Variants in ZFYVE28 observed in about 807,000 individuals in gnomAD.
ZFYVE28 encodes zinc finger FYVE-type containing 28, also known as lateral signaling target protein 2 homolog.
A neutral mutation model predicts 82.1 loss-of-function variants in ZFYVE28; 40 were observed. The observed-to-expected ratio is 0.49, with a 90% confidence interval of 0.38 to 0.63. The LOEUF is 0.63. ZFYVE28 is among the 30% of genes least tolerant of loss of function. The pLI, the probability that ZFYVE28 is intolerant of heterozygous loss-of-function variation, is 0.00. For missense variants in ZFYVE28, 1,321 were observed against 1,242.1 expected (o/e 1.06, Z -0.96); for synonymous variants, 612 against 546.1 (o/e 1.12, Z -1.68).
intron 1 of ZFYVE28, among the ~76,000 whole-genome samples, chr4:2,393,383 G>A (rs1730043493): frequency 6.6e-6 from 1 of 152,250 alleles, no homozygotes. Flanking sequence ...ACACAGGTGT[G>A]GAGACAGCTA....
chr4:2,303,325 T>C (rs955350754), intron 8 of ZFYVE28, among the ~76,000 whole-genome samples: 16 of 151,696 alleles, frequency 1.1e-4, no homozygotes, highest in African/African-American at 3.1e-4. Context: ...GAGGACCCTC[T>C]CCTGGGCCTG....
At chr4:2,324,895 CA>C in intron 6 of ZFYVE28, 1 of 186,424 alleles carries the variant, frequency 5.4e-6, no homozygotes, top group Non-Finnish European at 1.2e-5. Flanking sequence ...GAGAAATCAC[CA>C]AAATCCAGAG....
At position 2,270,382 on chromosome 4, in the gene ZFYVE28, C is replaced by A. The variant is rs183636834; in HGVS notation, c.*343G>T. ...GCAGAGTGGCCCCACTCTTGTCCACCTCCATCACCCGCCCCGATTCCCATA... is the reference window on the plus strand; with the variant it reads ...GCAGAGTGGCCCCACTCTTGTCCACATCCATCACCCGCCCCGATTCCCATA... On this transcript the variant is annotated 3_prime_UTR_variant, in exon 13 of 13. Transcript: ENST00000290974. The A allele has an allele frequency of 9.0e-6, 3 of 334,650 alleles. No homozygotes were observed. The highest frequency in any genetic ancestry group is 1.7e-5 in the Non-Finnish European group (3 of 175,568). 20.7% of individuals were successfully genotyped at this position (334,650 alleles called of 1,614,324 possible).
chr4:2,385,743 CA>C (rs1560318773), intron 1 of ZFYVE28, among the ~76,000 whole-genome samples: 1 of 151,748 alleles, frequency 6.6e-6, no homozygotes, highest in Non-Finnish European at 1.5e-5. Context: ...ACAAAAAAAA[CA>C]AAAAACACAC....
At chr4:2,294,927 GC>G (rs1367553637) in intron 8 of ZFYVE28, among the ~76,000 whole-genome samples, 1 of 151,562 alleles carries the variant, frequency 6.6e-6, no homozygotes, top group Non-Finnish European at 1.5e-5. Context: ...GCCAGCCTGG[GC>G]AACATAGCGA....
At chr4:2,334,495 G>T (rs1721259792) in intron 6 of ZFYVE28, among the ~76,000 whole-genome samples, 2 of 151,900 alleles carry the variant, frequency 1.3e-5, no homozygotes, top group South Asian at 2.1e-4. Flanking sequence ...CCACGGGAGG[G>T]GTATCCATGC....
intron 7 of ZFYVE28, among the ~76,000 whole-genome samples, chr4:2,315,536 G>C (rs1718079023): frequency 6.6e-6 from 1 of 152,212 alleles, no homozygotes; most frequent in Admixed American, 6.5e-5. Flanking sequence ...GCCTCCCAAA[G>C]TGCTGGGATC....
intron 1 of ZFYVE28, among the ~76,000 whole-genome samples, chr4:2,365,195 G>A (rs909097747): frequency 1.3e-5 from 2 of 151,792 alleles, no homozygotes; most frequent in Admixed American, 6.6e-5. Context: ...AGGGGTCAGG[G>A]TCTCCACATC....
intron 8 of ZFYVE28, among the ~76,000 whole-genome samples, chr4:2,295,424 G>A (rs971769861): frequency 2.6e-5 from 4 of 152,080 alleles, no homozygotes; most frequent in East Asian, 1.9e-4. Flanking sequence ...GCCTGCCTCA[G>A]CCTCCCAAAG....
intron 1 of ZFYVE28, among the ~76,000 whole-genome samples, chr4:2,412,870 A>G (rs1732662831): frequency 6.6e-6 from 1 of 152,140 alleles, no homozygotes; most frequent in African/African-American, 2.4e-5. Context: ...ACCTAAAGAC[A>G]CTCAGCCTGT....
At chr4:2,310,067 C>T (rs1167385567) in intron 7 of ZFYVE28, among the ~76,000 whole-genome samples, 1 of 151,760 alleles carries the variant, frequency 6.6e-6, no homozygotes, top group Non-Finnish European at 1.5e-5. Context: ...GAGATAATGT[C>T]TTGCGCTGTC....
At chr4:2,387,205 G>A (rs1380376523) in intron 1 of ZFYVE28, among the ~76,000 whole-genome samples, 2 of 152,116 alleles carry the variant, frequency 1.3e-5, no homozygotes, top group Non-Finnish European at 2.9e-5. Flanking sequence ...AAGGCTCCTG[G>A]CAGTCCACTG....
intron 1 of ZFYVE28, among the ~76,000 whole-genome samples, chr4:2,373,982 T>C (rs1010123011): frequency 6.6e-6 from 1 of 152,190 alleles, no homozygotes; most frequent in Non-Finnish European, 1.5e-5. Flanking sequence ...GCTCTGCCTT[T>C]GCTACCTCAT....
Position 2,418,427 on chromosome 4 carries a change from C to T in ZFYVE28, c.-104G>A. 2 of 956,132 alleles carry T rather than the reference C, an allele frequency of 2.1e-6. No homozygotes were observed. Among genetic ancestry groups the T allele is most frequent in the Non-Finnish European group, 2.6e-6 (2 of 778,954 alleles). 59.2% of individuals were successfully genotyped at this position (956,132 alleles called of 1,614,324 possible). On this transcript the variant is annotated 5_prime_UTR_variant, in exon 1 of 13. Coordinates refer to ENST00000290974, the MANE Select transcript of ZFYVE28 (RefSeq NM_020972.3). This position sits in a 1 kb window ranked among gnomAD's most constrained non-coding sequence, Gnocchi z 4.6. ...GCGGACGCGGAGGCACGGCCGGAGC[C>T]CCCGCGCTGTCGCAGGGAGGCTGGC... is the stretch of plus-strand genomic sequence containing the variant.
chr4:2,280,429 G>A (rs918521730), intron 8 of ZFYVE28, among the ~76,000 whole-genome samples: 3 of 152,100 alleles, frequency 2.0e-5, no homozygotes, highest in Non-Finnish European at 4.4e-5. Flanking sequence ...GATCGCTTGA[G>A]CCCAGGAGTT....
chr4:2,398,248 C>A (rs919687274), intron 1 of ZFYVE28, among the ~76,000 whole-genome samples: 4 of 152,078 alleles, frequency 2.6e-5, no homozygotes, highest in African/African-American at 9.7e-5. Flanking sequence ...GGCACCGACA[C>A]GGGAGGCCAT....
At chr4:2,384,249 G>T (rs113420397) in intron 1 of ZFYVE28, among the ~76,000 whole-genome samples, 37 of 152,214 alleles carry the variant, frequency 2.4e-4, no homozygotes, top group African/African-American at 8.7e-4. Flanking sequence ...GCTGACAGAA[G>T]AAACTTTCTG....
At chr4:2,374,187 G>C (rs1467927402) in intron 1 of ZFYVE28, among the ~76,000 whole-genome samples, 4 of 152,156 alleles carry the variant, frequency 2.6e-5, no homozygotes, top group African/African-American at 2.4e-5. Context: ...AAAAGCTCAG[G>C]GGCAGCCAGA....
chr4:2,365,990 C>G (rs1028462098), intron 1 of ZFYVE28, among the ~76,000 whole-genome samples: 2 of 152,152 alleles, frequency 1.3e-5, no homozygotes, highest in African/African-American at 4.8e-5. Context: ...GTGACCTGCT[C>G]GTAGGAAGCC....
Sources: allele counts gnomAD v4.1 joint callset (sites outside exome capture counted in the v4.1 genomes callset), GRCh38; gene constraint gnomAD v4.1.1; non-coding constraint Gnocchi (gnomAD v3.1); transcripts MANE v1.5; gene names NCBI Gene and HGNC (gene_info 2026-07-23, HGNC 2026-07-21).